ZNF48: variants seen among roughly 807,000 people sequenced by gnomAD.
ZNF48 encodes zinc finger protein 48.
A neutral mutation model predicts 40.0 loss-of-function variants in ZNF48; 20 were observed. The ratio of observed to expected loss-of-function variants is 0.50; its 90% CI spans 0.35 to 0.73. ZNF48 has a LOEUF of 0.73. ZNF48 is among the 30% of genes least tolerant of loss of function. ZNF48 has a pLI of 0.01. For missense variants in ZNF48, 726 were observed against 851.9 expected, an observed-to-expected ratio of 0.85 and a Z score of 1.84; for synonymous variants, 298 against 329.7, an observed-to-expected ratio of 0.90 and a Z score of 1.04.
chr16:30,390,873 C>T (rs2049937739), upstream of ZNF48, among the ~76,000 whole-genome samples: 1 of 151,956 alleles, frequency 6.6e-6, no homozygotes, highest in African/African-American at 2.4e-5. Flanking sequence ...ATCTGCCCAC[C>T]TCAGCCTCCC....
upstream of ZNF48, among the ~76,000 whole-genome samples, chr16:30,393,018 T>C (rs1329322060): frequency 6.6e-6 from 1 of 152,208 alleles, no homozygotes; most frequent in African/African-American, 2.4e-5. Flanking sequence ...CAGAGATTCA[T>C]TACTACAAAC....
At chr16:30,396,471 T>C (rs2054957721) in intron 2 of ZNF48, among the ~76,000 whole-genome samples, 1 of 152,110 alleles carries the variant, frequency 6.6e-6, no homozygotes, top group Non-Finnish European at 1.5e-5. Context: ...TTTAATCTTA[T>C]CTCTCCTACC....
upstream of ZNF48, among the ~76,000 whole-genome samples, chr16:30,394,045 T>A (rs1266133373): frequency 6.6e-6 from 1 of 151,214 alleles, no homozygotes; most frequent in Non-Finnish European, 1.5e-5. Flanking sequence ...TTTTTTTTTT[T>A]AAAGAGACAG....
At chr16:30,378,739 G>A in intron 1 of ZNF48, 1 of 1,582,754 alleles carries the variant, frequency 6.3e-7, no homozygotes, top group Non-Finnish European at 8.6e-7. Flanking sequence ...TCAGGAGCGG[G>A]ACCTGAGGTT....
Position 30,383,041 on chromosome 16 carries a change from G to C in ZNF48, c.-16+4631G>C, listed in dbSNP as rs117885053. 6 of 527,430 alleles carry C rather than the reference G, an allele frequency of 1.1e-5. No homozygotes were observed. In the East Asian group the frequency reaches 2.0e-4, roughly 18 times the overall value. 32.7% of individuals were successfully genotyped at this position (527,430 alleles called of 1,614,324 possible). On this transcript the variant is annotated intron_variant, in intron 1 of 2. Coordinates refer to the ZNF48 transcript ENST00000528032. Reference sequence around the variant, plus strand: ...TACAAAACATTAAAAAATTAGCCAGGCATGTTGGTACAATCCTGTAGTCCC... The same window carrying C: ...TACAAAACATTAAAAAATTAGCCAGCCATGTTGGTACAATCCTGTAGTCCC...
Position 30,397,745 on chromosome 16 carries a change from G to A in ZNF48, c.495G>A (p.Glu165=), listed in dbSNP as rs748470487. The part of the protein sequence containing the change: ...RIKHQRTHSG[E]KPYRARPPAQ... ...AACACCAGCGGACTCATAGTGGGGA[G>A]AAGCCCTATAGAGCCCGGCCACCAG... The change falls in exon 3 of 3, where the codon GAG becomes GAA. Residue 165 remains glutamate, a synonymous_variant. Transcript: ENST00000613509. This position sits in a 1 kb window ranked among gnomAD's most constrained non-coding sequence, Gnocchi z 4.1. 5.6e-6 allele frequency: 9 copies of A among 1,613,786 alleles called. No individual in the cohort carries two copies. The East Asian group carries it at 2.0e-4, about 36-fold the overall frequency.
intron 2 of ZNF48, among the ~76,000 whole-genome samples, chr16:30,396,182 G>T (rs761909707): frequency 2.0e-5 from 3 of 152,034 alleles, no homozygotes; most frequent in Non-Finnish European, 2.9e-5. Flanking sequence ...GCATTCTCTC[G>T]CCAGCTTGAT....
chr16:30,384,729 T>C (rs1386275058), intron 1 of ZNF48, among the ~76,000 whole-genome samples: 1 of 148,340 alleles, frequency 6.7e-6, no homozygotes, highest in Admixed American at 6.8e-5. Context: ...AATACAAAAA[T>C]TAGCCAGGCA....
chr16:30,395,832 A>C lies in ZNF48; in HGVS notation c.38A>C (p.His13Pro), dbSNP rs2049979177. 1 of 1,549,392 alleles carries C rather than the reference A, an allele frequency of 6.5e-7. No homozygotes were observed. The highest frequency in any genetic ancestry group is 1.4e-5 in the African/African-American group (1 of 73,360). Residue 13 changes from histidine (H) to proline (P), a missense_variant, in exon 2 of 3, where the codon CAC becomes CCC. By Grantham distance (77) the His-to-Pro change is moderately conservative (BLOSUM62 -2). Around this residue, in one of 5 missense-constraint regions of ZNF48, gnomAD observed 151 missense variants for 162.3 expected, o/e 0.93. Transcript: ENST00000613509. The surrounding 1 kb of genome is among the most constrained non-coding windows in gnomAD (Gnocchi z 5.9). Reference sequence around the variant, plus strand: ...GTAGAGCCTTGGGGCCCAGATCTCCACCGCCCGGAGGAGAGGGAGCCACAG... The same window carrying C: ...GTAGAGCCTTGGGGCCCAGATCTCCCCCGCCCGGAGGAGAGGGAGCCACAG... ...RAVEPWGPDLHRPEEREPQRG... is the reference protein window; with the variant it reads ...RAVEPWGPDLPRPEEREPQRG...
upstream of ZNF48, among the ~76,000 whole-genome samples, chr16:30,392,851 G>A (rs2049953083): frequency 6.6e-6 from 1 of 152,106 alleles, no homozygotes. Context: ...CACACCATCT[G>A]ACAACTCCAT....
At chr16:30,396,367 CG>C (rs1320591254) in intron 2 of ZNF48, among the ~76,000 whole-genome samples, 3 of 152,082 alleles carry the variant, frequency 2.0e-5, no homozygotes, top group African/African-American at 7.2e-5. Context: ...TTCGCTCTGC[CG>C]TAATGCCGGT....
At chr16:30,396,203 A>C (rs1367208433) in intron 2 of ZNF48, among the ~76,000 whole-genome samples, 1 of 152,050 alleles carries the variant, frequency 6.6e-6, no homozygotes, top group Non-Finnish European at 1.5e-5. Flanking sequence ...CTAAGTCCAG[A>C]TATAATCCTG....
chr16:30,379,476 C>A (rs1403311830), intron 1 of ZNF48: 1 of 1,613,868 alleles, frequency 6.2e-7, no homozygotes, highest in South Asian at 1.1e-5. Context: ...CCTCACCGGC[C>A]GGTTCCCGCC....
chr16:30,381,693 T>A lies in ZNF48; in HGVS notation c.-16+3283T>A. Reference sequence around the variant, plus strand: ...GAGATAGGGAGCCAGCACAAACCAGTCCTGTAACTCTCCAGGGAGTCGCCA... The same window carrying A: ...GAGATAGGGAGCCAGCACAAACCAGACCTGTAACTCTCCAGGGAGTCGCCA... On this transcript the variant is annotated intron_variant, in intron 1 of 2. Coordinates refer to the ZNF48 transcript ENST00000528032. The surrounding 1 kb of genome is among the most constrained non-coding windows in gnomAD (Gnocchi z 4.3). 6.3e-7 allele frequency: 1 copy of A among 1,596,052 alleles called. No individual in the cohort carries two copies. Among genetic ancestry groups the A allele is most frequent in the Non-Finnish European group, 8.5e-7 (1 of 1,171,292 alleles).
upstream of ZNF48, chr16:30,395,277 G>A: frequency 2.2e-6 from 1 of 456,126 alleles, no homozygotes; most frequent in Non-Finnish European, 4.4e-6. This position sits in a 1 kb window ranked among gnomAD's most constrained non-coding sequence, Gnocchi z 5.9. Context: ...CGGGCCGCCG[G>A]CCTCGGCTTA....
chr16:30,395,683 G>C lies in ZNF48; in HGVS notation c.-15-97G>C. 7.4e-6 allele frequency: 8 copies of C among 1,082,030 alleles called. No individual in the cohort carries two copies. Among genetic ancestry groups the C allele is most frequent in the Non-Finnish European group, 9.3e-6 (8 of 858,862 alleles). The allele number at this position is 1,082,030 out of a possible 1,614,324, so 67.0% of individuals were successfully genotyped here. A position where few individuals can be genotyped will look rare whatever the true frequency, so the allele number is the denominator to read the frequency against. Reference sequence around the variant, plus strand: ...GCGCCCGTACCTGGGACCCGACGCCGCCCGGTGCCCGCGCTGGCCGGCAGA... The same window carrying C: ...GCGCCCGTACCTGGGACCCGACGCCCCCCGGTGCCCGCGCTGGCCGGCAGA... On this transcript the variant is annotated intron_variant, in intron 1 of 2. Coordinates refer to ENST00000613509, the MANE Select transcript of ZNF48 (RefSeq NM_001214909.2). This position sits in a 1 kb window ranked among gnomAD's most constrained non-coding sequence, Gnocchi z 5.9.
intron 1 of ZNF48, among the ~76,000 whole-genome samples, chr16:30,386,331 C>T (rs1291171015): frequency 1.3e-5 from 2 of 151,966 alleles, no homozygotes; most frequent in African/African-American, 4.8e-5. Flanking sequence ...ATTGTACAAC[C>T]AACACATGTT....
At position 30,398,636 on chromosome 16, in the gene ZNF48, A is replaced by G; in HGVS notation, c.1386A>G (p.Arg462=). 1 of 1,607,908 alleles carries G rather than the reference A, an allele frequency of 6.2e-7. No homozygotes were observed. The highest frequency in any genetic ancestry group is 8.5e-7 in the Non-Finnish European group (1 of 1,178,048). Residue 462 remains arginine, a synonymous_variant, in exon 3 of 3, where the codon CGA becomes CGG. Transcript: ENST00000613509. The surrounding 1 kb of genome is among the most constrained non-coding windows in gnomAD (Gnocchi z 6.6). ...CTGAGTGTGGCAAGGGCTTCCGCCG[A>G]AGCTCTGACCTGGTGAAACACCATC... The part of the protein sequence containing the change: ...KCPECGKGFR[R]SSDLVKHHRV...
At chr16:30,385,557 G>A (rs939099019) in intron 1 of ZNF48, among the ~76,000 whole-genome samples, 3 of 130,726 alleles carry the variant, frequency 2.3e-5, no homozygotes, top group Admixed American at 8.4e-5. Context: ...CCCAGGAGGC[G>A]CAGGTTGCAG....
Sources: gnomAD v4.1 joint callset for allele counts (sites outside exome capture counted in the v4.1 genomes callset) on GRCh38, gnomAD v4.1.1 for gene constraint, gnomAD v4.1.1 regional missense constraint, Gnocchi (gnomAD v3.1) non-coding constraint, MANE v1.5 for transcripts, NCBI Gene and HGNC (gene_info 2026-07-23, HGNC 2026-07-21) for gene names.